The following VEPH1 variants were observed in gnomAD, a reference collection of about 807,000 sequenced individuals.
VEPH1 encodes the protein ventricular zone expressed PH domain containing 1, also known as ventricular zone-expressed PH domain-containing protein homolog 1.
In VEPH1, 80 loss-of-function variants were observed where a neutral mutation model predicts 85.2. The ratio of observed to expected loss-of-function variants is 0.94; its 90% CI spans 0.78 to 1.13. The LOEUF (loss-of-function observed/expected upper bound fraction) is 1.13, where lower values mean the gene tolerates loss of function less well. Ranked by LOEUF, VEPH1 falls within the 50% of genes most tolerant of loss-of-function variation. VEPH1 has a pLI of 0.00. For synonymous variants in VEPH1, 297 were observed against 348.0 expected, an observed-to-expected ratio of 0.85 and a Z score of 1.63; for missense variants, 955 against 980.5, an observed-to-expected ratio of 0.97 and a Z score of 0.35.
intron 6 of VEPH1, among the ~76,000 whole-genome samples, chr3:157,389,656 TA>T (rs1385706797): frequency 6.6e-6 from 1 of 151,468 alleles, no homozygotes; most frequent in South Asian, 2.1e-4. Flanking sequence ...GATAGATAGA[TA>T]GATAGATAGA....
rs373193825 is a variant in VEPH1 at position 157,304,018 on chromosome 3, ATTTT to A, written c.2010+9599_2010+9602del. On this transcript the variant is annotated intron_variant, in intron 11 of 13. Coordinates refer to ENST00000362010, the MANE Select transcript of VEPH1 (RefSeq NM_001167912.2). ...TGTAGACTTAAATTTCTCATCTTAT[ATTTT>A]TTATATATATATATATACACACATA... Among the ~76,000 whole-genome samples the A allele has an allele frequency of 2.0e-3, 126 of 64,388 alleles. 2 individuals are homozygous for A. The highest frequency in any genetic ancestry group is 3.1e-3 in the Non-Finnish European group (75 of 23,868). 42.2% of individuals were successfully genotyped at this position (64,388 alleles called of 152,430 possible). A position where few individuals can be genotyped will look rare whatever the true frequency, so the allele number is the denominator to read the frequency against.
chr3:157,477,084 T>C (rs1039911425), intron 2 of VEPH1, among the ~76,000 whole-genome samples: 1 of 152,162 alleles, frequency 6.6e-6, no homozygotes, highest in Non-Finnish European at 1.5e-5. Flanking sequence ...GCTCAAGAAT[T>C]TGTGTTGAGA....
chr3:157,467,125 A>ATGTGTGTGTGTGTG lies in VEPH1; in HGVS notation c.354+3175_354+3188dup, dbSNP rs57109409. On this transcript the variant is annotated intron_variant, in intron 3 of 13. Coordinates refer to ENST00000362010, the MANE Select transcript of VEPH1 (RefSeq NM_001167912.2). Reference sequence around the variant, plus strand: ...CAAAAAGAAAAGTGTGTGTGTGTGTATGTGTGTGTGTGTGTGTGTGTGTGT... The same window carrying ATGTGTGTGTGTGTG: ...CAAAAAGAAAAGTGTGTGTGTGTGTATGTGTGTGTGTGTGTGTGTGTGTGTGTGTGTGTGTGTGT... Among the ~76,000 whole-genome samples the ATGTGTGTGTGTGTG allele has an allele frequency of 7.2e-3, 1,048 of 145,434 alleles. 9 individuals carry two copies. Among genetic ancestry groups the ATGTGTGTGTGTGTG allele is most frequent in the African/African-American group, 0.02 (789 of 39,694 alleles).
intron 4 of VEPH1, chr3:157,437,189 G>C: frequency 7.8e-7 from 1 of 1,290,156 alleles, no homozygotes; most frequent in African/African-American, 1.5e-5. Context: ...ATGCAAAAGT[G>C]AGAAGCACTT....
chr3:157,481,279 G>A (rs1738014580), intron 2 of VEPH1, among the ~76,000 whole-genome samples: 1 of 151,660 alleles, frequency 6.6e-6, no homozygotes, highest in South Asian at 2.1e-4. Flanking sequence ...TTCTTTTGCT[G>A]TGCAGAAAGA....
intron 9 of VEPH1, among the ~76,000 whole-genome samples, chr3:157,329,738 T>G (rs1004283314): frequency 4.6e-5 from 7 of 152,148 alleles, no homozygotes; most frequent in Non-Finnish European, 8.8e-5. Context: ...AAACTCAACC[T>G]TCTAGCAGTA....
chr3:157,263,178 A>C (rs550371015), intron 13 of VEPH1, among the ~76,000 whole-genome samples: 1 of 152,224 alleles, frequency 6.6e-6, no homozygotes, highest in African/African-American at 2.4e-5. Context: ...CTTCAGCAGG[A>C]TTGTTGACCA....
chr3:157,341,290 G>T (rs1429535675), intron 9 of VEPH1, among the ~76,000 whole-genome samples: 1 of 152,120 alleles, frequency 6.6e-6, no homozygotes, highest in African/African-American at 2.4e-5. Context: ...AAGATTAGAC[G>T]AAGGGCCAAC....
chr3:157,267,734 C>T (rs1315623997), intron 12 of VEPH1, among the ~76,000 whole-genome samples: 6 of 152,192 alleles, frequency 3.9e-5, no homozygotes. Context: ...CGCCACTGCA[C>T]TCCAGGCTGG....
chr3:157,442,563 T>C (rs1734209861), intron 4 of VEPH1: 1 of 1,614,048 alleles, frequency 6.2e-7, no homozygotes, highest in African/African-American at 1.3e-5. Context: ...CAGCTACCAA[T>C]CCATAGTGTT....
intron 6 of VEPH1, among the ~76,000 whole-genome samples, chr3:157,398,248 T>A (rs891572642): frequency 6.6e-6 from 1 of 152,208 alleles, no homozygotes; most frequent in African/African-American, 2.4e-5. Context: ...ACCCAGTTCA[T>A]GATAGCCAGT....
intron 9 of VEPH1, among the ~76,000 whole-genome samples, chr3:157,348,620 A>G (rs1192830474): frequency 2.0e-5 from 3 of 152,174 alleles, no homozygotes; most frequent in Non-Finnish European, 4.4e-5. Context: ...AGTCCTGGAA[A>G]TGGGAAGTCC....
At chr3:157,369,165 C>A (rs377009454) in intron 7 of VEPH1, among the ~76,000 whole-genome samples, 1 of 54,080 alleles carries the variant, frequency 1.8e-5, no homozygotes. Context: ...ACAACAACAA[C>A]AACAAAAACC....
intron 9 of VEPH1, among the ~76,000 whole-genome samples, chr3:157,342,168 C>T (rs1723644526): frequency 6.6e-6 from 1 of 152,180 alleles, no homozygotes; most frequent in South Asian, 2.1e-4. Context: ...CAAATTCACA[C>T]ATAACAATAC....
chr3:157,293,014 G>A (rs1020217838), intron 11 of VEPH1, among the ~76,000 whole-genome samples: 13 of 150,912 alleles, frequency 8.6e-5, no homozygotes, highest in Non-Finnish European at 1.9e-4. Context: ...AAAGAAAAAA[G>A]TTTCATTTCA....
At chr3:157,312,209 T>C in intron 11 of VEPH1, among the ~76,000 whole-genome samples, 1 of 152,314 alleles carries the variant, frequency 6.6e-6, no homozygotes, top group East Asian at 1.9e-4. Context: ...TCTCAGAACA[T>C]CTGGTTTGCT....
At chr3:157,489,664 ATTTG>A (rs1453388399) in intron 2 of VEPH1, among the ~76,000 whole-genome samples, 6 of 150,150 alleles carry the variant, frequency 4.0e-5, no homozygotes, top group Admixed American at 4.0e-4. Context: ...TTCCTTATTT[ATTTG>A]TTTATTTTCT....
intron 4 of VEPH1, chr3:157,438,056 CA>C: frequency 1.3e-6 from 1 of 749,710 alleles, no homozygotes; most frequent in Non-Finnish European, 2.1e-6. Flanking sequence ...CACACACACA[CA>C]CACACACACA....
intron 5 of VEPH1, among the ~76,000 whole-genome samples, chr3:157,424,325 C>A (rs1732590485): frequency 6.6e-6 from 1 of 152,134 alleles, no homozygotes; most frequent in African/African-American, 2.4e-5. Context: ...TTTTTCTTCC[C>A]AGTCTTGGGT....
Sources: gnomAD v4.1 joint callset for allele counts (sites outside exome capture counted in the v4.1 genomes callset) on GRCh38, gnomAD v4.1.1 for gene constraint, MANE v1.5 for transcripts, NCBI Gene and HGNC (gene_info 2026-07-23, HGNC 2026-07-21) for gene names.